Variants in DOCK4 observed in about 807,000 individuals in gnomAD.
The protein encoded by DOCK4 is dedicator of cytokinesis 4.
Under a neutral mutation model 268.1 loss-of-function variants are expected in DOCK4, and 97 were observed. The ratio of observed to expected loss-of-function variants is 0.36; its 90% CI spans 0.31 to 0.43. DOCK4 has a LOEUF of 0.43. Ranked by LOEUF, DOCK4 falls within the 20% of genes least tolerant of loss-of-function variation. The pLI, the probability that DOCK4 is intolerant of heterozygous loss-of-function variation, is 1.00. For synonymous variants in DOCK4, 954 were observed against 887.2 expected (o/e 1.08, Z -1.34); for missense variants, 2,145 against 2,455.7 (o/e 0.87, Z 2.67).
intron 1 of DOCK4, among the ~76,000 whole-genome samples, chr7:112,130,833 A>T (rs999501289): frequency 6.6e-6 from 1 of 152,250 alleles, no homozygotes; most frequent in Admixed American, 6.5e-5. Flanking sequence ...TCACTGTGGC[A>T]GTAAAATATT....
In DOCK4 at chr7:112,034,833, C is replaced by T. The variant is rs1049790318; in HGVS notation, c.38-30702G>A. The stretch of plus-strand genomic sequence containing the variant: ...AGGAGAACTGCTTGAACCCGGGAGG[C>T]GGAGGTTGCAGTGGGCCAAGATCCT... On this transcript the variant is annotated intron_variant, in intron 1 of 52. Coordinates refer to ENST00000428084, the MANE Select transcript of DOCK4 (RefSeq NM_001363540.2). 8.5e-5 allele frequency among the ~76,000 whole-genome samples: 13 copies of T among 152,056 alleles called. 1 individual carries two copies. Among genetic ancestry groups the T allele is most frequent in the Admixed American group, 6.5e-4 (10 of 15,272 alleles).
intron 1 of DOCK4, among the ~76,000 whole-genome samples, chr7:112,066,674 TACA>T (rs1807020061): frequency 3.2e-5 from 1 of 31,262 alleles, no homozygotes; most frequent in African/African-American, 1.5e-4. Flanking sequence ...CATATACATA[TACA>T]TATATACATA....
intron 8 of DOCK4, among the ~76,000 whole-genome samples, chr7:111,950,175 C>T (rs1228903848): frequency 6.6e-6 from 1 of 152,204 alleles, no homozygotes; most frequent in African/African-American, 2.4e-5. Flanking sequence ...GATCTGCCTG[C>T]CTCACCCTCC....
At chr7:112,146,568 C>T (rs183352987) in intron 1 of DOCK4, among the ~76,000 whole-genome samples, 3 of 152,174 alleles carry the variant, frequency 2.0e-5, no homozygotes, top group East Asian at 1.9e-4. Flanking sequence ...CTCATCTCTA[C>T]AAAAACTATA....
intron 1 of DOCK4, among the ~76,000 whole-genome samples, chr7:112,129,937 A>G (rs1813646276): frequency 6.6e-6 from 1 of 152,198 alleles, no homozygotes; most frequent in South Asian, 2.1e-4. Context: ...AAATGCATTA[A>G]CATATCCATA....
At chr7:111,745,683 TA>T (rs781530065) in intron 44 of DOCK4, among the ~76,000 whole-genome samples, 23 of 49,614 alleles carry the variant, frequency 4.6e-4, no homozygotes, top group African/African-American at 1.7e-3. Flanking sequence ...GACTCCGTCT[TA>T]AAAAAAAAAA....
intron 1 of DOCK4, among the ~76,000 whole-genome samples, chr7:112,066,118 G>A (rs1435631424): frequency 2.0e-5 from 3 of 152,198 alleles, no homozygotes; most frequent in Non-Finnish European, 4.4e-5. Context: ...TTATTTGGGG[G>A]CATGTCTGTG....
At chr7:111,959,811 A>T (rs1357424587) in intron 8 of DOCK4, among the ~76,000 whole-genome samples, 3 of 152,142 alleles carry the variant, frequency 2.0e-5, no homozygotes, top group African/African-American at 7.2e-5. Context: ...CAGAATTCTC[A>T]ATTTTCTCAT....
intron 1 of DOCK4, among the ~76,000 whole-genome samples, chr7:112,104,451 T>C (rs2135828217): frequency 6.6e-6 from 1 of 152,300 alleles, no homozygotes; most frequent in Non-Finnish European, 1.5e-5. Flanking sequence ...TCAGAACATT[T>C]ACAGCCTCTT....
chr7:111,855,585 G>A (rs918241092), intron 23 of DOCK4, among the ~76,000 whole-genome samples: 1 of 152,142 alleles, frequency 6.6e-6, no homozygotes, highest in African/African-American at 2.4e-5. Context: ...TCCGAGGAGA[G>A]ATCTGGCCTA....
At chr7:112,130,037 C>G (rs1010433186) in intron 1 of DOCK4, among the ~76,000 whole-genome samples, 1 of 152,176 alleles carries the variant, frequency 6.6e-6, no homozygotes, top group Non-Finnish European at 1.5e-5. Flanking sequence ...CATCTAGACA[C>G]GGAGCCACTT....
At position 111,728,445 on chromosome 7, in the gene DOCK4, C is replaced by G. The variant is rs774537494; in HGVS notation, c.5757G>C (p.Leu1919=). ...TGTGAGGTAGCGGGACGGGGCGCCG[C>G]AGAGTCCGCTCGTAGACGCTGTACG... ...PPPYSVYERT[L]RRPVPLPHSL... is the part of the protein sequence containing the mutation. The change falls in exon 53 of 53, where the codon CTG becomes CTC. Residue 1919 remains leucine, a synonymous_variant. Coordinates refer to ENST00000428084, the MANE Select transcript of DOCK4 (RefSeq NM_001363540.2). The G allele has an allele frequency of 1.2e-6, 2 of 1,601,362 alleles. No homozygotes were observed. Among genetic ancestry groups the G allele is most frequent in the Non-Finnish European group, 1.7e-6 (2 of 1,173,032 alleles).
chr7:112,018,703 C>A (rs892130934), intron 1 of DOCK4, among the ~76,000 whole-genome samples: 1 of 150,526 alleles, frequency 6.6e-6, no homozygotes, highest in South Asian at 2.1e-4. Context: ...CCCCACCCCA[C>A]CCATTTTTTC....
intron 1 of DOCK4, among the ~76,000 whole-genome samples, chr7:112,179,533 T>TG (rs1818843239): frequency 6.6e-6 from 1 of 151,990 alleles, no homozygotes; most frequent in African/African-American, 2.4e-5. Flanking sequence ...TTTGTTTTTT[T>TG]TTTTTAACCC....
chr7:111,780,503 A>C (rs1420227766), intron 35 of DOCK4, among the ~76,000 whole-genome samples: 1 of 152,214 alleles, frequency 6.6e-6, no homozygotes, highest in African/African-American at 2.4e-5. Context: ...TTTGAGAACA[A>C]AACAAGCAAT....
At chr7:112,167,998 G>GA (rs375610822) in intron 1 of DOCK4, among the ~76,000 whole-genome samples, 47 of 150,604 alleles carry the variant, frequency 3.1e-4, no homozygotes, top group African/African-American at 1.1e-3. Context: ...ATTAAAATTT[G>GA]AAACTGTATC....
At chr7:111,970,808 T>G (rs1181700835) in intron 8 of DOCK4, among the ~76,000 whole-genome samples, 1 of 152,016 alleles carries the variant, frequency 6.6e-6, no homozygotes, top group East Asian at 1.9e-4. Flanking sequence ...AGGCCTGGAG[T>G]AGGTGTGTTT....
At chr7:111,771,524 C>T (rs542819939) in intron 36 of DOCK4, among the ~76,000 whole-genome samples, 1 of 152,128 alleles carries the variant, frequency 6.6e-6, no homozygotes, top group Non-Finnish European at 1.5e-5. Flanking sequence ...AGACACAGAG[C>T]TGAATCACCA....
intron 1 of DOCK4, among the ~76,000 whole-genome samples, chr7:112,089,687 G>A (rs781497184): frequency 1.3e-5 from 2 of 151,996 alleles, no homozygotes; most frequent in Non-Finnish European, 2.9e-5. Flanking sequence ...GATAGTGAGT[G>A]AGTTCTCATG....
Sources: gnomAD v4.1 joint callset for allele counts (sites outside exome capture counted in the v4.1 genomes callset) on GRCh38, gnomAD v4.1.1 for gene constraint, MANE v1.5 for transcripts, NCBI Gene and HGNC (gene_info 2026-07-23, HGNC 2026-07-21) for gene names.